CCDC91: variants seen among roughly 807,000 people sequenced by gnomAD.
The protein encoded by CCDC91 is coiled-coil domain containing 91.
A neutral mutation model predicts 63.2 loss-of-function variants in CCDC91; 48 were observed. The observed-to-expected ratio is 0.76, with a 90% CI of 0.60 to 0.97. The LOEUF is 0.97. Ranked by LOEUF, CCDC91 falls within the 50% of genes least tolerant of loss-of-function variation. CCDC91 has a pLI of 0.00. For missense variants in CCDC91, 500 were observed against 494.6 expected (o/e 1.01, Z -0.10); for synonymous variants, 167 against 165.8 (o/e 1.01, Z -0.06).
chr12:28,237,621 C>T (rs1945054470), intron 1 of CCDC91, among the ~76,000 whole-genome samples: 1 of 152,148 alleles, frequency 6.6e-6, no homozygotes, highest in Non-Finnish European at 1.5e-5. Flanking sequence ...TGGATTCTCC[C>T]CTAGAGCCTC....
chr12:28,534,555 T>A (rs1247881926), intron 12 of CCDC91, among the ~76,000 whole-genome samples: 1 of 152,188 alleles, frequency 6.6e-6, no homozygotes, highest in Non-Finnish European at 1.5e-5. Context: ...ACTTATGATT[T>A]TTTTTCCTGT....
intron 3 of CCDC91, among the ~76,000 whole-genome samples, chr12:28,265,316 C>T (rs1947112556): frequency 6.6e-6 from 1 of 151,984 alleles, no homozygotes; most frequent in African/African-American, 2.4e-5. Context: ...CAAATTAGCT[C>T]CTTCCAAACA....
chr12:28,342,998 G>A (rs1188427608), intron 6 of CCDC91, among the ~76,000 whole-genome samples: 1 of 152,022 alleles, frequency 6.6e-6, no homozygotes, highest in Non-Finnish European at 1.5e-5. Context: ...CCTCTTAGGA[G>A]TCTGGCCTAT....
intron 1 of CCDC91, among the ~76,000 whole-genome samples, chr12:28,238,378 A>G (rs1044419580): frequency 2.6e-5 from 4 of 152,196 alleles, no homozygotes; most frequent in African/African-American, 4.8e-5. Flanking sequence ...CCCACCTTTA[A>G]TGAAAAGAAA....
chr12:28,239,052 G>A (rs1297034493), intron 1 of CCDC91, among the ~76,000 whole-genome samples: 1 of 151,624 alleles, frequency 6.6e-6, no homozygotes, highest in Non-Finnish European at 1.5e-5. Context: ...CCCAGGAGGC[G>A]GAGGTTGCAG....
Position 28,503,278 on chromosome 12 carries a change from A to G in CCDC91, c.1215+19113A>G, listed in dbSNP as rs1176504704. On this transcript the variant is annotated intron_variant, in intron 12 of 12. Coordinates refer to ENST00000536442, the MANE Select transcript of CCDC91 (RefSeq NM_018318.5). ...CCCCATCAAAAAGTGGGCGAAGGAC[A>G]TGAACAGTCACTTCTCAAAAGAAGA... is the stretch of plus-strand genomic sequence containing the variant. Among the ~76,000 whole-genome samples, 5 of 152,364 alleles carry G rather than the reference A, an allele frequency of 3.3e-5. No individual in the cohort carries two copies. The East Asian group carries it at 9.6e-4, about 29-fold the overall frequency.
At chr12:28,457,138 C>T (rs1950092529) in intron 11 of CCDC91, among the ~76,000 whole-genome samples, 1 of 152,034 alleles carries the variant, frequency 6.6e-6, no homozygotes, top group African/African-American at 2.4e-5. Flanking sequence ...TTCTAGGAAG[C>T]TCAGGTCACC....
chr12:28,542,786 TA>T (rs1056960217), intron 12 of CCDC91, among the ~76,000 whole-genome samples: 12 of 152,154 alleles, frequency 7.9e-5, no homozygotes, highest in Admixed American at 5.9e-4. Context: ...GACTTAAAGG[TA>T]TTTTTTTTAT....
At chr12:28,505,328 A>G (rs1325793024) in intron 12 of CCDC91, 1 of 151,824 alleles carries the variant, frequency 6.6e-6, no homozygotes, top group African/African-American at 2.4e-5. Flanking sequence ...GAGGCATAAT[A>G]TTCCATGTCC....
intron 8 of CCDC91, among the ~76,000 whole-genome samples, chr12:28,442,444 G>GA (rs895284884): frequency 1.8e-4 from 28 of 151,982 alleles, no homozygotes; most frequent in Admixed American, 5.9e-4. Flanking sequence ...ACATAACTCT[G>GA]AAAAAAATAA....
At chr12:28,297,057 G>C (rs750707866) in intron 3 of CCDC91, among the ~76,000 whole-genome samples, 1 of 151,820 alleles carries the variant, frequency 6.6e-6, no homozygotes, top group African/African-American at 2.4e-5. Context: ...TTGGATAATA[G>C]GGTGTTTGAA....
chr12:28,338,275 T>G (rs1278506772), intron 6 of CCDC91, among the ~76,000 whole-genome samples: 1 of 150,322 alleles, frequency 6.7e-6, no homozygotes, highest in African/African-American at 2.4e-5. Context: ...TTTTTTCTTA[T>G]GTACTTATCA....
At chr12:28,461,859 GATGGCC>G (rs1950324532) in intron 11 of CCDC91, among the ~76,000 whole-genome samples, 1 of 151,970 alleles carries the variant, frequency 6.6e-6, no homozygotes, top group African/African-American at 2.4e-5. Context: ...TTCTTGCTAG[GATGGCC>G]ACCGTTGTTG....
chr12:28,411,008 C>T (rs1313095183), intron 8 of CCDC91, among the ~76,000 whole-genome samples: 2 of 152,014 alleles, frequency 1.3e-5, no homozygotes, highest in East Asian at 3.9e-4. Context: ...GGCTTATCAT[C>T]TATATGTCTT....
At chr12:28,499,847 T>A (rs1177863378) in intron 12 of CCDC91, among the ~76,000 whole-genome samples, 1 of 152,158 alleles carries the variant, frequency 6.6e-6, no homozygotes, top group Non-Finnish European at 1.5e-5. Context: ...TATAATCCTT[T>A]GGGTATATAC....
chr12:28,295,523 AATTT>A (rs1329563676), intron 3 of CCDC91, among the ~76,000 whole-genome samples: 2 of 151,954 alleles, frequency 1.3e-5, no homozygotes, highest in African/African-American at 4.8e-5. Flanking sequence ...TTTAGATAAT[AATTT>A]ATTTATTTTT....
intron 3 of CCDC91, among the ~76,000 whole-genome samples, chr12:28,289,488 T>C (rs148770437): frequency 2.6e-5 from 4 of 152,176 alleles, no homozygotes; most frequent in East Asian, 3.9e-4. Context: ...ATTTGAATGG[T>C]GTTGAGCTTT....
At chr12:28,485,300 A>G (rs529215860) in intron 12 of CCDC91, among the ~76,000 whole-genome samples, 1 of 152,066 alleles carries the variant, frequency 6.6e-6, no homozygotes, top group South Asian at 2.1e-4. Context: ...CTGAAATTAC[A>G]GGCGCCTGCC....
chr12:28,539,556 G>A (rs1942472586), intron 12 of CCDC91, among the ~76,000 whole-genome samples: 1 of 152,110 alleles, frequency 6.6e-6, no homozygotes, highest in African/African-American at 2.4e-5. Context: ...CTCCAGCTTT[G>A]TTCTTTTGGC....
Sources: gnomAD v4.1 joint callset for allele counts (sites outside exome capture counted in the v4.1 genomes callset) on GRCh38, gnomAD v4.1.1 for gene constraint, MANE v1.5 for transcripts, NCBI Gene and HGNC (gene_info 2026-07-23, HGNC 2026-07-21) for gene names.